Variants in TLX1 observed in about 807,000 individuals in gnomAD.
TLX1 encodes T-cell leukemia homeobox protein 1.
A neutral mutation model predicts 26.5 loss-of-function variants in TLX1; 6 were observed. The observed-to-expected ratio is 0.23, with a 90% CI of 0.12 to 0.45. The LOEUF is 0.45. Ranked by LOEUF, TLX1 falls within the 20% of genes least tolerant of loss-of-function variation. TLX1 has a pLI of 0.99. For missense variants in TLX1, 418 were observed against 482.6 expected (o/e 0.87, Z 1.25); for synonymous variants, 217 against 219.7 (o/e 0.99, Z 0.11).
At position 101,131,364 on chromosome 10, in the gene TLX1, A is replaced by G; in HGVS notation, c.-178A>G. 1 of 434,810 alleles carries G rather than the reference A, an allele frequency of 2.3e-6. No homozygotes were observed. Among genetic ancestry groups the G allele is most frequent in the Non-Finnish European group, 4.0e-6 (1 of 252,236 alleles). 26.9% of individuals were successfully genotyped at this position (434,810 alleles called of 1,614,324 possible). On this transcript the variant is annotated 5_prime_UTR_variant, in exon 1 of 3. Transcript: ENST00000370196. ...GGAAGCAGAAGCCAGAGAGGGGAAG[A>G]ATACGGCGCCCCCTCTCTCCCTCCC...
At chr10:101,134,794 C>A (rs1940253617) in intron 2 of TLX1, among the ~76,000 whole-genome samples, 1 of 152,252 alleles carries the variant, frequency 6.6e-6, no homozygotes, top group South Asian at 2.1e-4. Context: ...ACAGCCCGCA[C>A]CTTGTTGCAG....
chr10:101,131,571 C>T lies in TLX1; in HGVS notation c.30C>T (p.His10=). Residue 10 remains histidine, a synonymous_variant, in exon 1 of 3, where the codon CAC becomes CAT. Coordinates refer to ENST00000370196, the MANE Select transcript of TLX1 (RefSeq NM_005521.4). MEHLGPHHL[H]PGHAEPISFG... ...AGCACCTGGGTCCGCACCACCTCCA[C>T]CCGGGTCACGCAGAGCCCATTAGCT... The T allele has an allele frequency of 6.5e-7, 1 of 1,543,576 alleles. No individual in the cohort carries two copies. The highest frequency in any genetic ancestry group is 1.2e-5 in the South Asian group (1 of 81,974).
At chr10:101,134,526 C>G in intron 2 of TLX1, 150 bp downstream of exon 2, 1 of 921,560 alleles carries the variant, frequency 1.1e-6, no homozygotes, top group South Asian at 1.8e-5. Context: ...TTGCGGGGAG[C>G]TGGAAGCAAC....
At position 101,131,595 on chromosome 10, in the gene TLX1, C is replaced by G; in HGVS notation, c.54C>G (p.Ser18Arg). 6.4e-7 allele frequency: 1 copy of G among 1,564,098 alleles called. No homozygotes were observed. Among genetic ancestry groups the G allele is most frequent in the Non-Finnish European group, 8.6e-7 (1 of 1,158,210 alleles). The stretch of plus-strand genomic sequence containing the variant: ...ACCCGGGTCACGCAGAGCCCATTAG[C>G]TTCGGCATCGACCAGATCCTCAACA... The part of the protein sequence containing the change: ...HLHPGHAEPI[S>R]FGIDQILNSP... Residue 18 changes from serine to arginine, a missense_variant, in exon 1 of 3, where the codon AGC (serine) becomes AGG (arginine). By Grantham distance (110) the Ser-to-Arg change is moderately radical. Around this residue, in one of 3 missense-constraint regions of TLX1, gnomAD observed 322 missense variants for 344.6 expected, o/e 0.93. Coordinates refer to ENST00000370196, the MANE Select transcript of TLX1 (RefSeq NM_005521.4).
At position 101,137,012 on chromosome 10, in the gene TLX1, C is replaced by A; in HGVS notation, c.*99C>A. On this transcript the variant is annotated 3_prime_UTR_variant, in exon 3 of 3. Transcript: ENST00000370196. ...CCACCCTCCTGGCCTCAGACTGCAC[C>A]CAGGAGGGGAACACTGCCCTCGCAC... 1 of 1,455,820 alleles carries A rather than the reference C, an allele frequency of 6.9e-7. No individual in the cohort carries two copies. Among genetic ancestry groups the A allele is most frequent in the Non-Finnish European group, 9.3e-7 (1 of 1,079,194 alleles). 90.2% of individuals were successfully genotyped at this position (1,455,820 alleles called of 1,614,324 possible).
rs537148910 is a variant in TLX1, at chr10:101,137,682, TG to T, written c.*776del. 525 of 232,598 alleles carry T rather than the reference TG, an allele frequency of 2.3e-3. 4 individuals carry two copies. Among genetic ancestry groups the T allele is most frequent in the African/African-American group, 7.6e-3 (345 of 45,248 alleles). The allele number at this position is 232,598 out of a possible 1,614,324, so 14.4% of individuals were successfully genotyped here. On this transcript the variant is annotated 3_prime_UTR_variant, in exon 3 of 3. Coordinates refer to ENST00000370196, the MANE Select transcript of TLX1 (RefSeq NM_005521.4). ...ATTTCTCCAGAACCCATTTGAGGGG[TG>T]GGGGGGTGTTAATTTATGCACTTAT...
rs1378577385 is a variant in TLX1, at chr10:101,136,896, G to T, written c.976G>T (p.Ala326Ser). The T allele has an allele frequency of 3.1e-6, 5 of 1,613,488 alleles. No individual in the cohort carries two copies. Among genetic ancestry groups the T allele is most frequent in the Admixed American group, 3.3e-5 (2 of 60,008 alleles). Reference sequence around the variant, plus strand: ...CAAAATCACTAGCGTCACGTCGGTGGCGTCGGCCTGCGAGTGAGCCTGCCC... The same window carrying T: ...CAAAATCACTAGCGTCACGTCGGTGTCGTCGGCCTGCGAGTGAGCCTGCCC... ...STKITSVTSV[A>S]SACE Residue 326 changes from alanine (A) to serine (S), a missense_variant, in exon 3 of 3, where the codon GCG becomes TCG. Ala to Ser is a moderately conservative substitution (Grantham distance 99, BLOSUM62 1). Around this residue, in one of 3 missense-constraint regions of TLX1, gnomAD observed 78 missense variants for 92.2 expected, o/e 0.85. Coordinates refer to ENST00000370196, the MANE Select transcript of TLX1 (RefSeq NM_005521.4).
rs940618369 is a variant in TLX1, at chr10:101,137,574, C to T, written c.*661C>T. 4.3e-6 allele frequency: 1 copy of T among 234,444 alleles called. No homozygotes were observed. The highest frequency in any genetic ancestry group is 8.4e-6 in the Non-Finnish European group (1 of 118,838). 14.5% of individuals were successfully genotyped at this position (234,444 alleles called of 1,614,324 possible). ...ACACAACAGCCAACAGCTACAACAG[C>T]CTCACTTGGTCTGCCAGGCCCCCAC... On this transcript the variant is annotated 3_prime_UTR_variant, in exon 3 of 3. Coordinates refer to ENST00000370196, the MANE Select transcript of TLX1 (RefSeq NM_005521.4).
intron 2 of TLX1, chr10:101,135,292 C>G (rs899400030): frequency 6.5e-6 from 1 of 153,292 alleles, no homozygotes; most frequent in Non-Finnish European, 1.5e-5. Context: ...TCGGCGGCGC[C>G]GAGACGGGCG....
At position 101,132,068 on chromosome 10, in the gene TLX1, G is replaced by A; in HGVS notation, c.527G>A (p.Trp176Ter). ...AACCTCACTGGCCTCACCTTCCCCT[G>A]GATGGAGAGTAACCGCAGATACACA... Reference protein sequence around the residue: ...VNNLTGLTFPWMESNRRYTKD... With the variant: ...VNNLTGLTFP Residue 176 changes from tryptophan to a stop codon, truncating the protein, a stop_gained, in exon 1 of 3, where the codon TGG becomes TAG. Coordinates refer to ENST00000370196, the MANE Select transcript of TLX1 (RefSeq NM_005521.4). LOFTEE classifies it high-confidence loss of function. The surrounding 1 kb of genome is among the most constrained non-coding windows in gnomAD (Gnocchi z 4.1). 1.4e-6 allele frequency: 2 copies of A among 1,458,724 alleles called. No homozygotes were observed. The highest frequency in any genetic ancestry group is 2.5e-5 in the Admixed American group (1 of 40,272). The allele number at this position is 1,458,724 out of a possible 1,614,324, so 90.4% of individuals were successfully genotyped here.
At position 101,136,699 on chromosome 10, in the gene TLX1, C is replaced by T; in HGVS notation, c.779C>T (p.Thr260Ile). ...GCTTGTTCCCGGTGCAGACGGCAGA[C>T]TGCGGAGGAACGGGAGGCCGAGAGG... ...QNRRTKWRRQ[T>I]AEEREAERQQ... is the part of the protein sequence containing the mutation. Residue 260 changes from threonine (T) to isoleucine (I), a missense_variant, in exon 3 of 3, where the codon ACT becomes ATT. This residue lies in a region of TLX1 where 78 missense variants were observed against 92.2 expected (regional missense o/e 0.85). Coordinates refer to ENST00000370196, the MANE Select transcript of TLX1 (RefSeq NM_005521.4). The T allele has an allele frequency of 6.2e-7, 1 of 1,612,564 alleles. No homozygotes were observed. The highest frequency in any genetic ancestry group is 8.5e-7 in the Non-Finnish European group (1 of 1,179,968).
At chr10:101,133,661 G>GTGCT (rs1385339648) in intron 1 of TLX1, among the ~76,000 whole-genome samples, 2 of 152,242 alleles carry the variant, frequency 1.3e-5, no homozygotes, top group African/African-American at 4.8e-5. Flanking sequence ...TGTGTCCTGT[G>GTGCT]TGCTTGTCCC....
At position 101,134,302 on chromosome 10, in the gene TLX1, C is replaced by T. The variant is rs1417363004; in HGVS notation, c.696C>T (p.Ala232=). Residue 232 remains alanine (A), a synonymous_variant, in exon 2 of 3, where the codon GCC becomes GCT. Coordinates refer to ENST00000370196, the MANE Select transcript of TLX1 (RefSeq NM_005521.4). ...RQKYLASAER[A]ALAKALKMTD... ...AGTACCTGGCCTCGGCCGAGCGCGC[C>T]GCCCTGGCCAAGGCGCTCAAAATGA... 3.1e-6 allele frequency: 5 copies of T among 1,612,418 alleles called. 1 individual carries two copies. The highest frequency in any genetic ancestry group is 3.4e-6 in the Non-Finnish European group (4 of 1,179,528).
At chr10:101,134,404 C>T (rs760960899) in intron 2 of TLX1, 28 bp downstream of exon 2, 22 of 1,512,238 alleles carry the variant, frequency 1.5e-5, no homozygotes, top group Middle Eastern at 3.5e-4. Context: ...GCCGGCCGCC[C>T]GCGAGCGGCG....
In TLX1 at chr10:101,137,104, A is replaced by G; in HGVS notation, c.*191A>G. ...CTTCGGTGGAAGAGCTCAAGGGACAAGGACACGCGCCCCCCTCCCAGAGGC... is the reference window on the plus strand; with the variant it reads ...CTTCGGTGGAAGAGCTCAAGGGACAGGGACACGCGCCCCCCTCCCAGAGGC... On this transcript the variant is annotated 3_prime_UTR_variant, in exon 3 of 3. Transcript: ENST00000370196. 1.4e-6 allele frequency: 1 copy of G among 692,326 alleles called. No homozygotes were observed. The allele number at this position is 692,326 out of a possible 1,614,324, so 42.9% of individuals were successfully genotyped here.
chr10:101,134,417 G>T, intron 2 of TLX1, 41 bp downstream of exon 2: 1 of 1,494,360 alleles, frequency 6.7e-7, no homozygotes, highest in Non-Finnish European at 8.9e-7. Context: ...GAGCGGCGCG[G>T]TCTCAGGCAG....
Position 101,132,055 on chromosome 10 carries a change from C to A in TLX1, c.514C>A (p.Leu172Ile). 6.7e-7 allele frequency: 1 copy of A among 1,495,496 alleles called. No homozygotes were observed. The highest frequency in any genetic ancestry group is 8.9e-7 in the Non-Finnish European group (1 of 1,129,908). The allele number at this position is 1,495,496 out of a possible 1,614,324, so 92.6% of individuals were successfully genotyped here. A position where few individuals can be genotyped will look rare whatever the true frequency, so the allele number is the denominator to read the frequency against. The part of the protein sequence containing the change: ...AMPGVNNLTG[L>I]TFPWMESNRR... ...GCCGGGCGTCAACAACCTCACTGGC[C>A]TCACCTTCCCCTGGATGGAGAGTAA... The change falls in exon 1 of 3, where the codon CTC becomes ATC. Residue 172 changes from leucine to isoleucine, a missense_variant. Physicochemically the swap from Leu to Ile is conservative, Grantham distance 5. Transcript: ENST00000370196. This position sits in a 1 kb window ranked among gnomAD's most constrained non-coding sequence, Gnocchi z 4.1.
chr10:101,137,361 G>C lies in TLX1; in HGVS notation c.*448G>C, dbSNP rs1290752507. On this transcript the variant is annotated 3_prime_UTR_variant, in exon 3 of 3. Transcript: ENST00000370196. Reference sequence around the variant, plus strand: ...CACAGGTGGTGTCACTGTCCCTCCTGGTGTCACCCCAGAGCCACACATGGG... The same window carrying C: ...CACAGGTGGTGTCACTGTCCCTCCTCGTGTCACCCCAGAGCCACACATGGG... 3.6e-6 allele frequency: 1 copy of C among 277,800 alleles called. No individual in the cohort carries two copies. The highest frequency in any genetic ancestry group is 5.2e-5 in the East Asian group (1 of 19,330). The allele number at this position is 277,800 out of a possible 1,614,324, so 17.2% of individuals were successfully genotyped here. A position where few individuals can be genotyped will look rare whatever the true frequency, so the allele number is the denominator to read the frequency against.
chr10:101,134,829 G>C (rs2742029), intron 2 of TLX1, among the ~76,000 whole-genome samples: 2 of 152,248 alleles, frequency 1.3e-5, no homozygotes, highest in African/African-American at 4.8e-5. Flanking sequence ...TCCCGGCAGA[G>C]GGTCTGTGGC....
Sources: allele counts gnomAD v4.1 joint callset (sites outside exome capture counted in the v4.1 genomes callset), GRCh38; gene constraint gnomAD v4.1.1; regional missense constraint gnomAD v4.1.1; non-coding constraint Gnocchi (gnomAD v3.1); transcripts MANE v1.5; gene names NCBI Gene and HGNC (gene_info 2026-07-23, HGNC 2026-07-21).